Variants in IFT140 observed in about 807,000 individuals in gnomAD.
IFT140 encodes the protein intraflagellar transport 140, also known as intraflagellar transport protein 140 homolog.
A neutral mutation model predicts 164.6 loss-of-function variants in IFT140; 133 were observed. The ratio of observed to expected loss-of-function variants is 0.81; its 90% CI spans 0.70 to 0.93. The LOEUF (loss-of-function observed/expected upper bound fraction) is 0.93, where lower values mean the gene tolerates loss of function less well. Ranked by LOEUF, IFT140 falls within the 40% of genes least tolerant of loss-of-function variation. IFT140 has a pLI of 0.00. For synonymous variants in IFT140, 860 were observed against 817.3 expected (o/e 1.05, Z -0.89); for missense variants, 2,045 against 1,972.3 (o/e 1.04, Z -0.70).
At chr16:1,581,999 G>A (rs1225441222) in intron 12 of IFT140, among the ~76,000 whole-genome samples, 3 of 152,110 alleles carry the variant, frequency 2.0e-5, no homozygotes, top group Admixed American at 6.5e-5. Context: ...TCAAACACAC[G>A]AGGGGGCAAC....
At position 1,558,124 on chromosome 16, in the gene IFT140, G is replaced by A; in HGVS notation, c.2210C>T (p.Ala737Val). 1 of 1,614,112 alleles carries A rather than the reference G, an allele frequency of 6.2e-7. No homozygotes were observed. The highest frequency in any genetic ancestry group is 1.1e-5 in the South Asian group (1 of 91,088). Residue 737 changes from alanine (A) to valine (V), a missense_variant, in exon 19 of 31, where the codon GCA (alanine) becomes GTA (valine). Transcript: ENST00000426508. ...YYYFTRKPEEADREDEVEPGC... is the reference protein window; with the variant it reads ...YYYFTRKPEEVDREDEVEPGC... ...AGGCTCCACCTCGTCTTCTCTGTCT[G>A]CTTCTTCGGGCTAAATGACAAAGGA...
At chr16:1,542,079 A>T (rs776952625) in intron 19 of IFT140, 1 of 1,601,922 alleles carries the variant, frequency 6.2e-7, no homozygotes, top group Non-Finnish European at 8.5e-7. Context: ...ACTGGCGAGT[A>T]AGTACCTGGG....
At chr16:1,567,832 G>A (rs999499217) in intron 15 of IFT140, among the ~76,000 whole-genome samples, 2 of 152,234 alleles carry the variant, frequency 1.3e-5, no homozygotes, top group South Asian at 4.1e-4. Flanking sequence ...TGAGTGGGAC[G>A]CCTGAGGGCT....
At chr16:1,584,989 C>T (rs1404333048) in intron 10 of IFT140, among the ~76,000 whole-genome samples, 7 of 152,224 alleles carry the variant, frequency 4.6e-5, no homozygotes, top group East Asian at 1.9e-4. Context: ...CCACTGGAAA[C>T]GTGGTGAAGG....
At chr16:1,602,644 T>G (rs1188396475) in intron 3 of IFT140, 53 bp from the exon 4 acceptor site, 1 of 1,545,968 alleles carries the variant, frequency 6.5e-7, no homozygotes, top group Admixed American at 1.7e-5. Flanking sequence ...CAGCTACTTT[T>G]AAGAACTTCT....
chr16:1,603,967 C>T (rs2035921840), intron 3 of IFT140, among the ~76,000 whole-genome samples: 1 of 152,140 alleles, frequency 6.6e-6, no homozygotes, highest in Non-Finnish European at 1.5e-5. Flanking sequence ...CAACTGGAAA[C>T]ACAGAAATAT....
At chr16:1,542,112 G>A in intron 19 of IFT140, 2 of 1,532,900 alleles carry the variant, frequency 1.3e-6, no homozygotes, top group South Asian at 1.2e-5. Flanking sequence ...CCGCGCCCTT[G>A]CCCCCTGTGG....
rs34535263 is a variant in IFT140, at chr16:1,558,004, A to C, written c.2330T>G (p.Leu777Arg). The part of the protein sequence containing the change: ...DCDKATRDAM[L>R]HFSFFVTIGD... ...TATGGTGACAAAGAAGCTGAAGTGG[A>C]GCATGGCGTCCCGGGTGGCCTTGTC... The change falls in exon 19 of 31, where the codon CTC becomes CGC. Residue 777 changes from leucine to arginine, a missense_variant. Coordinates refer to ENST00000426508, the MANE Select transcript of IFT140 (RefSeq NM_014714.4). 2.1e-3 allele frequency: 3,389 copies of C among 1,613,932 alleles called. 66 individuals are homozygous for C. The African/African-American group carries it at 0.041, about 20-fold the overall frequency.
At position 1,568,315 on chromosome 16, in the gene IFT140, T is replaced by A. The variant is rs1198736891; in HGVS notation, c.1672A>T (p.Ser558Cys). 1 of 1,613,648 alleles carries A rather than the reference T, an allele frequency of 6.2e-7. No homozygotes were observed. Among genetic ancestry groups the A allele is most frequent in the East Asian group, 2.2e-5 (1 of 44,876 alleles). ...ACCAGCTCCGCCAGGCTCCTGCAGC[T>A]ACAGTGTGCTTTGGCCTCTCTGCAG... ...LSRREAKAHC[S>C]CRSLAELVPG... The change falls in exon 15 of 31, where the codon AGC (serine) becomes TGC (cysteine). Residue 558 changes from serine (S) to cysteine (C), a missense_variant. Ser to Cys is a moderately radical substitution (Grantham distance 112). Coordinates refer to ENST00000426508, the MANE Select transcript of IFT140 (RefSeq NM_014714.4).
intron 12 of IFT140, among the ~76,000 whole-genome samples, chr16:1,582,032 G>A (rs895587638): frequency 7.9e-5 from 12 of 152,190 alleles, no homozygotes; most frequent in East Asian, 3.9e-4. Context: ...AGCATGACAC[G>A]CGGCCTCCTG....
At chr16:1,521,524 G>T (rs556399485) in intron 26 of IFT140, among the ~76,000 whole-genome samples, 1 of 152,134 alleles carries the variant, frequency 6.6e-6, no homozygotes, top group African/African-American at 2.4e-5. Flanking sequence ...AAGTAGCTGG[G>T]ATTACAGGCG....
intron 12 of IFT140, among the ~76,000 whole-genome samples, chr16:1,581,069 G>A (rs1487967104): frequency 6.6e-6 from 1 of 152,178 alleles, no homozygotes; most frequent in Admixed American, 6.5e-5. Context: ...CGGGTCCTGG[G>A]CTGATGTGGA....
chr16:1,573,867 A>T (rs565389585), intron 13 of IFT140, among the ~76,000 whole-genome samples: 1 of 152,330 alleles, frequency 6.6e-6, no homozygotes, highest in Non-Finnish European at 1.5e-5. Context: ...AAGCCAAGAA[A>T]ATAAGTCAAA....
intron 30 of IFT140, among the ~76,000 whole-genome samples, chr16:1,516,722 A>G (rs60439834): frequency 0.091 from 13,275 of 145,884 alleles, 791 homozygotes; most frequent in African/African-American, 0.16. Flanking sequence ...GTGAGCCGAG[A>G]TTGCACCACC....
intron 19 of IFT140, among the ~76,000 whole-genome samples, chr16:1,545,243 C>G (rs1008681678): frequency 1.3e-5 from 2 of 152,054 alleles, no homozygotes; most frequent in African/African-American, 2.4e-5. Flanking sequence ...CGACCTCTGA[C>G]AAGGTTGGAC....
At chr16:1,517,049 A>G (rs75255816) in intron 30 of IFT140, among the ~76,000 whole-genome samples, 2 of 152,258 alleles carry the variant, frequency 1.3e-5, no homozygotes, top group East Asian at 3.9e-4. Context: ...AGTCATTGGA[A>G]TTTCAGAAGC....
At chr16:1,526,513 A>G in intron 20 of IFT140, 106 bp downstream of exon 20, 1 of 1,186,464 alleles carries the variant, frequency 8.4e-7, no homozygotes, top group Non-Finnish European at 1.1e-6. Context: ...CTCTGCCCAC[A>G]TCAGTGCAGG....
intron 19 of IFT140, chr16:1,534,318 C>T (rs1173992491): frequency 6.2e-7 from 1 of 1,612,602 alleles, no homozygotes; most frequent in African/African-American, 1.3e-5. Context: ...GCTGGTGGCC[C>T]TGGTCTCACT....
chr16:1,593,544 T>C (rs906352592), intron 4 of IFT140, among the ~76,000 whole-genome samples: 10 of 152,308 alleles, frequency 6.6e-5, no homozygotes, highest in Admixed American at 6.5e-4. Flanking sequence ...ACGTGACATC[T>C]GGCCGCCGTG....
Sources: allele counts gnomAD v4.1 joint callset (sites outside exome capture counted in the v4.1 genomes callset), GRCh38; gene constraint gnomAD v4.1.1; transcripts MANE v1.5; gene names NCBI Gene and HGNC (gene_info 2026-07-23, HGNC 2026-07-21).